NEK6: variants seen among roughly 807,000 people sequenced by gnomAD.
The protein encoded by NEK6 is serine/threonine-protein kinase Nek6.
Under a neutral mutation model 43.5 loss-of-function variants are expected in NEK6, and 27 were observed. That is an observed-to-expected ratio of 0.62 (90% CI 0.46 to 0.86). The LOEUF (loss-of-function observed/expected upper bound fraction) is 0.86, where lower values mean the gene tolerates loss of function less well. Ranked by LOEUF, NEK6 falls within the 40% of genes least tolerant of loss-of-function variation. The probability of loss-of-function intolerance (pLI) is 0.00; values close to 1 mark genes in which losing one functional copy is unlikely to be tolerated. For synonymous variants in NEK6, 167 were observed against 164.1 expected (o/e 1.02, Z -0.14); for missense variants, 318 against 414.4 (o/e 0.77, Z 2.02).
chr9:124,284,038 G>T (rs904816219), intron 1 of NEK6, among the ~76,000 whole-genome samples: 2 of 152,196 alleles, frequency 1.3e-5, no homozygotes, highest in Non-Finnish European at 2.9e-5. Context: ...GTGTGGCTTG[G>T]TTTCCCCATC....
intron 1 of NEK6, chr9:124,259,390 A>G (rs1830936253): frequency 6.6e-6 from 1 of 152,124 alleles, no homozygotes; most frequent in South Asian, 2.1e-4. Flanking sequence ...ATTGAAAGGG[A>G]CGCAGAGCCG....
Position 124,343,618 on chromosome 9 carries a change from G to A in NEK6, c.717+3953G>A, listed in dbSNP as rs1042620907. 6.6e-6 allele frequency among the ~76,000 whole-genome samples: 1 copy of A among 152,180 alleles called. No homozygotes were observed. Among genetic ancestry groups the A allele is most frequent in the African/African-American group, 2.4e-5 (1 of 41,444 alleles). ...GAGGAGAGCCACATCTGAGCCCACGGCCATGTAATTGGAAAGAGGCCTCCC... is the reference window on the plus strand; with the variant it reads ...GAGGAGAGCCACATCTGAGCCCACGACCATGTAATTGGAAAGAGGCCTCCC... On this transcript the variant is annotated intron_variant, in intron 8 of 9. Coordinates refer to ENST00000320246, the MANE Select transcript of NEK6 (RefSeq NM_014397.6). The surrounding 1 kb of genome is among the most constrained non-coding windows in gnomAD (Gnocchi z 5.1).
rs1831603806 is a variant in NEK6, at chr9:124,275,172, G to C, written c.-30+17087G>C. Among the ~76,000 whole-genome samples the C allele has an allele frequency of 6.6e-6, 1 of 152,212 alleles. No individual in the cohort carries two copies. On this transcript the variant is annotated intron_variant, in intron 1 of 9. Transcript: ENST00000320246. The surrounding 1 kb of genome is among the most constrained non-coding windows in gnomAD (Gnocchi z 4.4). ...AGGAAGGATTGATGAAGGCTCTGCA[G>C]CCCCCAAAGAGCCAACAGTTGGAAT...
chr9:124,293,873 C>CA (rs1832546968), intron 1 of NEK6, among the ~76,000 whole-genome samples: 2 of 152,270 alleles, frequency 1.3e-5, no homozygotes, highest in African/African-American at 4.8e-5. Context: ...GTGTCCTCAA[C>CA]AGCCCACCTT....
intron 1 of NEK6, 71 bp downstream of exon 1, chr9:124,258,156 G>A (rs918143404): frequency 9.2e-6 from 9 of 976,324 alleles, no homozygotes; most frequent in Non-Finnish European, 9.7e-6. Flanking sequence ...GCCGGGCGGC[G>A]GGGCCGTCAC....
At chr9:124,316,867 GC>G (rs1401259142) in intron 4 of NEK6, among the ~76,000 whole-genome samples, 2 of 152,218 alleles carry the variant, frequency 1.3e-5, no homozygotes, top group African/African-American at 2.4e-5. Flanking sequence ...CCTTGATGGG[GC>G]TTTACTTCCT....
chr9:124,287,096 A>G (rs892575160), intron 1 of NEK6, among the ~76,000 whole-genome samples: 1 of 152,160 alleles, frequency 6.6e-6, no homozygotes, highest in African/African-American at 2.4e-5. Flanking sequence ...GCCTGGGGAC[A>G]GACCCTGGGA....
At chr9:124,317,438 C>T (rs1217845255) in intron 4 of NEK6, among the ~76,000 whole-genome samples, 1 of 152,180 alleles carries the variant, frequency 6.6e-6, no homozygotes, top group Non-Finnish European at 1.5e-5. Flanking sequence ...GTCTTGAACG[C>T]CTGACCTCAG....
intron 1 of NEK6, chr9:124,258,477 TGTGTGTGCAC>T (rs1830897843): frequency 2.1e-5 from 8 of 382,324 alleles, no homozygotes; most frequent in Non-Finnish European, 2.9e-5. Context: ...TCAGGGAGTG[TGTGTGTGCAC>T]GTGTGTGCAT....
intron 7 of NEK6, among the ~76,000 whole-genome samples, chr9:124,333,773 C>CTTTTTTTT (rs148074227): frequency 1.7e-5 from 2 of 120,018 alleles, no homozygotes; most frequent in African/African-American, 6.3e-5. Flanking sequence ...CATTTCAGTC[C>CTTTTTTTT]TTTTTTTTTT....
At chr9:124,310,306 C>CA (rs1383111162) in intron 2 of NEK6, among the ~76,000 whole-genome samples, 2 of 152,256 alleles carry the variant, frequency 1.3e-5, no homozygotes, top group Non-Finnish European at 2.9e-5. Flanking sequence ...GCACAGAGCC[C>CA]AGCATGCAGT....
intron 4 of NEK6, among the ~76,000 whole-genome samples, chr9:124,316,424 GC>G (rs1425084778): frequency 6.6e-6 from 1 of 152,242 alleles, no homozygotes; most frequent in Non-Finnish European, 1.5e-5. Context: ...TGGGAGCAGA[GC>G]CCCTGATGGC....
chr9:124,333,622 C>T (rs189183716), intron 7 of NEK6, among the ~76,000 whole-genome samples: 8 of 152,224 alleles, frequency 5.3e-5, no homozygotes, highest in African/African-American at 1.2e-4. Flanking sequence ...TCCTTTTAGA[C>T]GGGAACTAAC....
intron 1 of NEK6, among the ~76,000 whole-genome samples, chr9:124,287,282 G>C (rs774424648): frequency 6.6e-6 from 1 of 152,178 alleles, no homozygotes; most frequent in Non-Finnish European, 1.5e-5. Context: ...GCACCAGCAG[G>C]GGCCAGCCTG....
chr9:124,277,316 C>G (rs1831686306), intron 1 of NEK6, among the ~76,000 whole-genome samples: 1 of 152,222 alleles, frequency 6.6e-6, no homozygotes, highest in Admixed American at 6.5e-5. Context: ...CATGGTGGCA[C>G]ACGCCTGTAA....
intron 1 of NEK6, among the ~76,000 whole-genome samples, chr9:124,280,471 TGGCAGCA>T (rs1036633784): frequency 1.3e-5 from 2 of 152,228 alleles, no homozygotes; most frequent in Non-Finnish European, 2.9e-5. Context: ...TCCTTAGAGA[TGGCAGCA>T]GCGCCTGGAG....
chr9:124,258,110 G>A, intron 1 of NEK6, 25 bp downstream of exon 1: 1 of 979,128 alleles, frequency 1.0e-6, no homozygotes, highest in Non-Finnish European at 1.2e-6. Flanking sequence ...GCTGGGGCCG[G>A]GCCGGTGGGG....
At chr9:124,267,403 C>G (rs1275422548) in intron 1 of NEK6, among the ~76,000 whole-genome samples, 1 of 152,146 alleles carries the variant, frequency 6.6e-6, no homozygotes, top group African/African-American at 2.4e-5. Context: ...CGAGTGGGCA[C>G]GGCGTGCCGG....
intron 1 of NEK6, chr9:124,265,814 G>A (rs1481338816): frequency 6.6e-6 from 1 of 152,258 alleles, no homozygotes; most frequent in African/African-American, 2.4e-5. Context: ...GCTGGCTGGT[G>A]TGTGGCACGT....
Sources: gnomAD v4.1 joint callset for allele counts (sites outside exome capture counted in the v4.1 genomes callset) on GRCh38, gnomAD v4.1.1 for gene constraint, Gnocchi (gnomAD v3.1) non-coding constraint, MANE v1.5 for transcripts, NCBI Gene and HGNC (gene_info 2026-07-23, HGNC 2026-07-21) for gene names.